LRP1B: variants seen among roughly 807,000 people sequenced by gnomAD.
The protein encoded by LRP1B is low-density lipoprotein receptor-related protein 1B.
A neutral mutation model predicts 556.6 loss-of-function variants in LRP1B; 217 were observed. The observed-to-expected ratio is 0.39, with a 90% confidence interval of 0.35 to 0.44. The LOEUF (loss-of-function observed/expected upper bound fraction) is 0.44, where lower values mean the gene tolerates loss of function less well. Among genes scored for constraint, LRP1B ranks in the 20% least tolerant of loss-of-function variants. LRP1B has a pLI of 1.00. For synonymous variants in LRP1B, 2,047 were observed against 1,865.8 expected (o/e 1.10, Z -2.50); for missense variants, 5,053 against 5,620.8 (o/e 0.90, Z 3.23).
chr2:140,623,956 G>GTGTATATA (rs1339496296), intron 41 of LRP1B, among the ~76,000 whole-genome samples: 1 of 106,436 alleles, frequency 9.4e-6, no homozygotes, highest in African/African-American at 3.4e-5. Context: ...TTTTATTTAT[G>GTGTATATA]TATATATATA....
At chr2:141,414,935 T>A (rs1691029613) in intron 3 of LRP1B, among the ~76,000 whole-genome samples, 1 of 152,182 alleles carries the variant, frequency 6.6e-6, no homozygotes, top group African/African-American at 2.4e-5. Context: ...GAAGTATATT[T>A]CCCTATATTT....
chr2:141,478,432 T>A (rs1360499558), intron 3 of LRP1B, among the ~76,000 whole-genome samples: 2 of 152,124 alleles, frequency 1.3e-5, no homozygotes, highest in African/African-American at 4.8e-5. Context: ...AAAATTAGGA[T>A]CTAGAAAATA....
intron 1 of LRP1B, among the ~76,000 whole-genome samples, chr2:141,935,263 T>C (rs1015275787): frequency 3.9e-5 from 6 of 152,130 alleles, no homozygotes; most frequent in Non-Finnish European, 8.8e-5. Context: ...CCAATAAGCA[T>C]TGAAAATAAT....
In LRP1B at chr2:140,515,932, C is replaced by T. The variant is rs1267796703; in HGVS notation, c.8149+957G>A. ...TTCACCACAGTGTATGTTATTTGTG[C>T]TAAATGTAAATAGTGAATATATACC... On this transcript the variant is annotated intron_variant, in intron 50 of 90. Coordinates refer to ENST00000389484, the MANE Select transcript of LRP1B (RefSeq NM_018557.3). Among the ~76,000 whole-genome samples the T allele has an allele frequency of 4.6e-5, 7 of 151,924 alleles. 1 individual carries two copies. Among genetic ancestry groups the T allele is most frequent in the Non-Finnish European group, 1.5e-5 (1 of 67,906 alleles).
intron 1 of LRP1B, among the ~76,000 whole-genome samples, chr2:141,999,635 C>T (rs1559013411): frequency 6.6e-6 from 1 of 151,824 alleles, no homozygotes; most frequent in African/African-American, 2.4e-5. Context: ...AATTTCATTA[C>T]TTTTTTCTTT....
intron 2 of LRP1B, among the ~76,000 whole-genome samples, chr2:141,665,210 CT>C (rs1471881161): frequency 6.6e-6 from 1 of 151,960 alleles, no homozygotes; most frequent in African/African-American, 2.4e-5. Flanking sequence ...TATTCAGAAC[CT>C]ACAAGGAATT....
chr2:141,470,213 G>GT (rs1326001586), intron 3 of LRP1B, among the ~76,000 whole-genome samples: 2 of 152,092 alleles, frequency 1.3e-5, no homozygotes, highest in South Asian at 2.1e-4. Flanking sequence ...AATTTCTAAA[G>GT]TTTTTTAACT....
At position 141,043,786 on chromosome 2, in the gene LRP1B, T is replaced by C. The variant is rs1166433836; in HGVS notation, c.1789+5200A>G. 2.0e-5 allele frequency among the ~76,000 whole-genome samples: 3 copies of C among 152,034 alleles called. 1 individual carries two copies. Among genetic ancestry groups the C allele is most frequent in the Non-Finnish European group, 4.4e-5 (3 of 67,958 alleles). On this transcript the variant is annotated intron_variant, in intron 11 of 90. Transcript: ENST00000389484. ...TATATTATTTCCTTCCTGGTAAAAT[T>C]ATAATTCATATTACAATGAAAAATA...
chr2:140,988,260 G>C (rs1433361220), intron 17 of LRP1B, among the ~76,000 whole-genome samples: 8 of 152,024 alleles, frequency 5.3e-5, no homozygotes, highest in Admixed American at 3.9e-4. Context: ...CTTAGGACTG[G>C]ATGGTCTCTG....
At chr2:140,609,712 C>CA (rs1183076670) in intron 41 of LRP1B, among the ~76,000 whole-genome samples, 2 of 152,052 alleles carry the variant, frequency 1.3e-5, no homozygotes, top group African/African-American at 4.8e-5. Flanking sequence ...AATTTTATGC[C>CA]AAAAACGTAT....
chr2:141,781,688 C>T (rs961368741), intron 2 of LRP1B, among the ~76,000 whole-genome samples: 1 of 152,138 alleles, frequency 6.6e-6, no homozygotes, highest in South Asian at 2.1e-4. Flanking sequence ...TTACAAATAG[C>T]ACTAGCTGGC....
At chr2:140,895,376 C>T (rs1327512821) in intron 23 of LRP1B, among the ~76,000 whole-genome samples, 1 of 152,134 alleles carries the variant, frequency 6.6e-6, no homozygotes, top group Non-Finnish European at 1.5e-5. Context: ...AGGAAATTTT[C>T]CCTGACCCCT....
chr2:141,095,089 T>C (rs1318687885), intron 7 of LRP1B, among the ~76,000 whole-genome samples: 1 of 152,144 alleles, frequency 6.6e-6, no homozygotes, highest in Non-Finnish European at 1.5e-5. Context: ...AATTGCTCTC[T>C]CTGTGCTTTT....
rs114281021 is a variant in LRP1B, at chr2:141,649,929, C to T, written c.205+160350G>A. ...GAGCAGTGGCTAGTGCCTGTGATTCCAGCTTTTTGGGAGGCCGAAGCAGAT... is the reference window on the plus strand; with the variant it reads ...GAGCAGTGGCTAGTGCCTGTGATTCTAGCTTTTTGGGAGGCCGAAGCAGAT... On this transcript the variant is annotated intron_variant, in intron 2 of 90. Transcript: ENST00000389484. Among the ~76,000 whole-genome samples the T allele has an allele frequency of 8.2e-3, 1,247 of 152,254 alleles. 16 individuals carry two copies. Among genetic ancestry groups the T allele is most frequent in the Middle Eastern group, 0.02 (6 of 294 alleles).
At position 141,892,066 on chromosome 2, in the gene LRP1B, T is replaced by C. The variant is rs754137092; in HGVS notation, c.83-81665A>G. Reference sequence around the variant, plus strand: ...GAAAGGTATGTGTTAAGCATAACTATCTAAGAAAGATCATCAAAACAAATG... The same window carrying C: ...GAAAGGTATGTGTTAAGCATAACTACCTAAGAAAGATCATCAAAACAAATG... On this transcript the variant is annotated intron_variant, in intron 1 of 90. Coordinates refer to ENST00000389484, the MANE Select transcript of LRP1B (RefSeq NM_018557.3). Among the ~76,000 whole-genome samples the C allele has an allele frequency of 1.3e-4, 20 of 152,128 alleles. 1 individual carries two copies. Among genetic ancestry groups the C allele is most frequent in the Non-Finnish European group, 2.4e-4 (16 of 67,908 alleles).
rs78012898 is a variant in LRP1B, at chr2:141,927,327, T to G, written c.83-116926A>C. On this transcript the variant is annotated intron_variant, in intron 1 of 90. Coordinates refer to ENST00000389484, the MANE Select transcript of LRP1B (RefSeq NM_018557.3). ...TAAGAAGTAAACTTCAGAACTGTCC[T>G]CTACCTGTTTGTCTAAATTTGTCTA... 4.4e-4 allele frequency among the ~76,000 whole-genome samples: 67 copies of G among 152,296 alleles called. No homozygotes were observed. The East Asian group carries it at 0.012, about 28-fold the overall frequency.
intron 84 of LRP1B, among the ~76,000 whole-genome samples, chr2:140,295,623 C>T (rs371118766): frequency 5.3e-5 from 8 of 152,208 alleles, no homozygotes; most frequent in South Asian, 2.1e-4. Flanking sequence ...TCTTGGCTCT[C>T]GCAAATGCTA....
Position 140,787,558 on chromosome 2 carries a change from A to ATTTTTTTTTTTTTTTT in LRP1B, c.5360-11336_5360-11321dup, listed in dbSNP as rs756825067. 2.2e-4 allele frequency among the ~76,000 whole-genome samples: 10 copies of ATTTTTTTTTTTTTTTT among 44,660 alleles called. 1 individual carries two copies. The East Asian group carries it at 2.6e-3, about 12-fold the overall frequency. 29.3% of individuals were successfully genotyped at this position (44,660 alleles called of 152,430 possible). A position where few individuals can be genotyped will look rare whatever the true frequency, so the allele number is the denominator to read the frequency against. ...CCTATCTTCCTGTTTAAAACAGAAGATTTTTTTTTTTTTTTTTTTTTTTTT... is the reference window on the plus strand; with the variant it reads ...CCTATCTTCCTGTTTAAAACAGAAGATTTTTTTTTTTTTTTTTTTTTTTTTTTTTTTTTTTTTTTTT... On this transcript the variant is annotated intron_variant, in intron 32 of 90. Coordinates refer to ENST00000389484, the MANE Select transcript of LRP1B (RefSeq NM_018557.3).
intron 35 of LRP1B, among the ~76,000 whole-genome samples, chr2:140,726,956 C>A (rs1157309428): frequency 6.6e-6 from 1 of 151,920 alleles, no homozygotes; most frequent in East Asian, 1.9e-4. Context: ...ATCATATAGA[C>A]AAGGGACTTC....
Sources: allele counts gnomAD v4.1 joint callset (sites outside exome capture counted in the v4.1 genomes callset), GRCh38; gene constraint gnomAD v4.1.1; transcripts MANE v1.5; gene names NCBI Gene and HGNC (gene_info 2026-07-23, HGNC 2026-07-21).